Variants in WDR86 observed in about 807,000 individuals in gnomAD.
The protein encoded by WDR86 is WD repeat domain 86.
Under a neutral mutation model 36.5 loss-of-function variants are expected in WDR86, and 30 were observed. The ratio of observed to expected loss-of-function variants is 0.82; its 90% CI spans 0.61 to 1.11. The LOEUF (loss-of-function observed/expected upper bound fraction) is 1.11. Ranked by LOEUF, WDR86 falls within the 50% of genes most tolerant of loss-of-function variation. The pLI, the probability that WDR86 is intolerant of heterozygous loss-of-function variation, is 0.00. For synonymous variants in WDR86, 255 were observed against 252.9 expected, an observed-to-expected ratio of 1.01 and a Z score of -0.08; for missense variants, 545 against 561.2, an observed-to-expected ratio of 0.97 and a Z score of 0.29.
intron 2 of WDR86, among the ~76,000 whole-genome samples, chr7:151,399,130 C>T (rs181713362): frequency 6.0e-4 from 91 of 152,314 alleles, no homozygotes; most frequent in African/African-American, 2.0e-3. Flanking sequence ...ATATACCCCC[C>T]ATTCACTCTA....
rs1349373003 is a variant in WDR86 at position 151,396,004 on chromosome 7, C to T, written c.498G>A (p.Leu166=). 6.2e-7 allele frequency: 1 copy of T among 1,601,258 alleles called. No individual in the cohort carries two copies. Among genetic ancestry groups the T allele is most frequent in the Admixed American group, 1.7e-5 (1 of 58,862 alleles). The change falls in exon 3 of 6, where the codon CTG becomes CTA. Residue 166 remains leucine (L), a synonymous_variant. Coordinates refer to ENST00000334493, the MANE Select transcript of WDR86 (RefSeq NM_198285.3). ...CAEEAAAGGL[L]VTGSTDGTAK... ...CTGTGCCATCTGTGCTGCCGGTCAC[C>T]AGAAGCCCCCCGGCCGCGGCCTCCT...
the WDR86 span, among the ~76,000 whole-genome samples, chr7:151,370,387 C>G: frequency 6.6e-6 from 1 of 152,138 alleles, no homozygotes; most frequent in African/African-American, 2.4e-5. Context: ...CTGCGACCAG[C>G]TGAAAAGTTG....
Position 151,385,154 on chromosome 7 carries a change from C to A in WDR86, c.796G>T (p.Glu266Ter). 6.2e-7 allele frequency: 1 copy of A among 1,613,098 alleles called. No individual in the cohort carries two copies. Among genetic ancestry groups the A allele is most frequent in the Non-Finnish European group, 8.5e-7 (1 of 1,179,888 alleles). The change falls in exon 4 of 6, where the codon GAG becomes TAG. Residue 266 changes from glutamate (E) to a stop codon, truncating the protein, a stop_gained. Coordinates refer to ENST00000334493, the MANE Select transcript of WDR86 (RefSeq NM_198285.3). LOFTEE classifies it high-confidence loss of function. ...TGGGCCGTGAACGTGCGCACACACT[C>A]CCCTGTGTCTGCCAGCCAGCACTTG... is the stretch of plus-strand genomic sequence containing the variant. ...TVKCWLADTG[E>*]CVRTFTAHRR... is the part of the protein sequence containing the mutation.
rs1800381789 is a variant in WDR86 at position 151,402,090 on chromosome 7, T to C, written c.164-1849A>G. Reference sequence around the variant, plus strand: ...AAAAAAATATATATATATATATATATATCTCCACAAATGTCCTTACAAGAG... The same window carrying C: ...AAAAAAATATATATATATATATATACATCTCCACAAATGTCCTTACAAGAG... On this transcript the variant is annotated intron_variant, in intron 1 of 5. Coordinates refer to ENST00000334493, the MANE Select transcript of WDR86 (RefSeq NM_198285.3). Among the ~76,000 whole-genome samples the C allele has an allele frequency of 7.4e-5, 9 of 121,236 alleles. 1 individual carries two copies. In the South Asian group the frequency reaches 2.3e-3, roughly 32 times the overall value. 79.5% of individuals were successfully genotyped at this position (121,236 alleles called of 152,430 possible). A position where few individuals can be genotyped will look rare whatever the true frequency, so the allele number is the denominator to read the frequency against.
At chr7:151,374,521 G>A (rs952825150), downstream of WDR86, 29 of 517,922 alleles carry the variant, frequency 5.6e-5, 1 homozygote, top group African/African-American at 4.4e-4. Flanking sequence ...TAGGGTTTCT[G>A]TGTGCAGCAG....
chr7:151,378,982 A>G (rs1215616058), downstream of WDR86, among the ~76,000 whole-genome samples: 1 of 152,014 alleles, frequency 6.6e-6, no homozygotes, highest in Non-Finnish European at 1.5e-5. Context: ...CCAGGCATGG[A>G]GACTTGGGCC....
chr7:151,400,392 TG>T (rs1437745696), intron 1 of WDR86, among the ~76,000 whole-genome samples, 151 bp from the exon 2 acceptor site: 2 of 152,154 alleles, frequency 1.3e-5, no homozygotes, highest in African/African-American at 4.8e-5. Context: ...TGTTTTGTTT[TG>T]TTTTTTTGAG....
chr7:151,381,665 G>A lies in WDR86; in HGVS notation c.1048C>T (p.Arg350Trp), dbSNP rs974548623. ...WDVRGLRGAP[R>W]PPPPMRSLSR... Reference sequence around the variant, plus strand: ...AGGCTGCGCATGGGCGGAGGGGGCCGCGGGGCACCTCGGAGCCCGCGCACG... The same window carrying A: ...AGGCTGCGCATGGGCGGAGGGGGCCACGGGGCACCTCGGAGCCCGCGCACG... Residue 350 changes from arginine (R) to tryptophan (W), a missense_variant, in exon 6 of 6, where the codon CGG (arginine) becomes TGG (tryptophan). By Grantham distance (101) the Arg-to-Trp change is moderately radical. Coordinates refer to ENST00000334493, the MANE Select transcript of WDR86 (RefSeq NM_198285.3). This position sits in a 1 kb window ranked among gnomAD's most constrained non-coding sequence, Gnocchi z 4.8. 1.1e-5 allele frequency: 16 copies of A among 1,409,676 alleles called. No individual in the cohort carries two copies. The highest frequency in any genetic ancestry group is 1.5e-5 in the Non-Finnish European group (16 of 1,092,982). 87.3% of individuals were successfully genotyped at this position (1,409,676 alleles called of 1,614,324 possible).
chr7:151,402,070 A>AAAAAAAATATATAT, intron 1 of WDR86, among the ~76,000 whole-genome samples: 12 of 50,532 alleles, frequency 2.4e-4, no homozygotes, highest in East Asian at 4.9e-4. Flanking sequence ...AAAAAAAAAA[A>AAAAAAAATATATAT]ATATATATAT....
At chr7:151,369,289 T>G in the WDR86 span, 1 of 154,130 alleles carries the variant, frequency 6.5e-6, no homozygotes, top group African/African-American at 2.4e-5. Flanking sequence ...ATTACAGGTG[T>G]GAGCCACCGC....
At position 151,395,947 on chromosome 7, in the gene WDR86, G is replaced by T; in HGVS notation, c.555C>A (p.Cys185Ter). Residue 185 changes from cysteine to a stop codon, truncating the protein, a stop_gained, in exon 3 of 6, where the codon TGC (cysteine) becomes TGA (stop). Coordinates refer to ENST00000334493, the MANE Select transcript of WDR86 (RefSeq NM_198285.3). LOFTEE classifies it high-confidence loss of function. ...AKVWQVASGC[C>*]HQTLRGHTGA... Reference sequence around the variant, plus strand: ...CCGTGTGGCCCCGCAGCGTCTGGTGGCAGCAGCCGCTGGCCACCTGCCACA... The same window carrying T: ...CCGTGTGGCCCCGCAGCGTCTGGTGTCAGCAGCCGCTGGCCACCTGCCACA... 1 of 1,587,582 alleles carries T rather than the reference G, an allele frequency of 6.3e-7. No homozygotes were observed. Among genetic ancestry groups the T allele is most frequent in the African/African-American group, 1.3e-5 (1 of 74,588 alleles).
At position 151,388,894 on chromosome 7, in the gene WDR86, C is replaced by T. The variant is rs1376217613; in HGVS notation, c.727-3671G>A. On this transcript the variant is annotated intron_variant, in intron 3 of 5. Coordinates refer to ENST00000334493, the MANE Select transcript of WDR86 (RefSeq NM_198285.3). The surrounding 1 kb of genome is among the most constrained non-coding windows in gnomAD (Gnocchi z 4.2). ...AGGAAGTAAAGTGGTTATGAGGGCC[C>T]GCCTCATAAATGAGATGAGTTCCCT... Among the ~76,000 whole-genome samples, 4 of 152,080 alleles carry T rather than the reference C, an allele frequency of 2.6e-5. No individual in the cohort carries two copies. Among genetic ancestry groups the T allele is most frequent in the East Asian group, 1.9e-4 (1 of 5,178 alleles).
chr7:151,400,163 C>T lies in WDR86; in HGVS notation c.242G>A (p.Arg81Lys), dbSNP rs1800178349. Residue 81 changes from arginine (R) to lysine (K), a missense_variant, in exon 2 of 6, where the codon AGG becomes AAG. By Grantham distance (26) the Arg-to-Lys change is conservative. Transcript: ENST00000334493. The part of the protein sequence containing the change: ...FTCSADCTIR[R>K]WDVLTGQCLQ... ...ACACTGCCCGGTCAGCACGTCCCACCTCCTGATGGTGCAGTCGGCGCTGCA... is the reference window on the plus strand; with the variant it reads ...ACACTGCCCGGTCAGCACGTCCCACTTCCTGATGGTGCAGTCGGCGCTGCA... 1.9e-6 allele frequency: 3 copies of T among 1,612,488 alleles called. No homozygotes were observed. Among genetic ancestry groups the T allele is most frequent in the South Asian group, 1.1e-5 (1 of 90,672 alleles).
intron 1 of WDR86, among the ~76,000 whole-genome samples, chr7:151,402,070 A>AAAAAAAAAAAAAAAT: frequency 2.0e-5 from 1 of 50,558 alleles, no homozygotes; most frequent in Non-Finnish European, 3.3e-5. Flanking sequence ...AAAAAAAAAA[A>AAAAAAAAAAAAAAAT]ATATATATAT....
downstream of WDR86, chr7:151,376,186 G>A (rs1050835740): frequency 2.0e-6 from 1 of 511,242 alleles, no homozygotes; most frequent in African/African-American, 1.9e-5. Flanking sequence ...TGCTGCCTTT[G>A]TCTATGCACC....
intron 1 of WDR86, among the ~76,000 whole-genome samples, chr7:151,402,763 G>T (rs1800435670): frequency 6.6e-6 from 1 of 152,348 alleles, no homozygotes; most frequent in African/African-American, 2.4e-5. Flanking sequence ...CCACCAGCTG[G>T]TTGGGACTCT....
At chr7:151,386,966 G>C (rs1483768882) in intron 3 of WDR86, among the ~76,000 whole-genome samples, 1 of 152,192 alleles carries the variant, frequency 6.6e-6, no homozygotes, top group African/African-American at 2.4e-5. Flanking sequence ...GGAAGCCCAG[G>C]ATCCTTCTTC....
chr7:151,379,357 G>C (rs1340947923), downstream of WDR86, among the ~76,000 whole-genome samples: 1 of 152,172 alleles, frequency 6.6e-6, no homozygotes, highest in Non-Finnish European at 1.5e-5. Flanking sequence ...AGGTGTCCTT[G>C]ATGCTGATCA....
At chr7:151,379,996 G>A (rs1798474509), downstream of WDR86, among the ~76,000 whole-genome samples, 1 of 152,236 alleles carries the variant, frequency 6.6e-6, no homozygotes, top group South Asian at 2.1e-4. Flanking sequence ...GGTCCTCTCT[G>A]GTAGGTATGC....
Sources: gnomAD v4.1 joint callset for allele counts (sites outside exome capture counted in the v4.1 genomes callset) on GRCh38, gnomAD v4.1.1 for gene constraint, Gnocchi (gnomAD v3.1) non-coding constraint, MANE v1.5 for transcripts, NCBI Gene and HGNC (gene_info 2026-07-23, HGNC 2026-07-21) for gene names.